Variants in SYT17 observed in about 807,000 individuals in gnomAD.
SYT17 encodes synaptotagmin 17.
A neutral mutation model predicts 46.7 loss-of-function variants in SYT17; 22 were observed. The observed-to-expected ratio is 0.47, with a 90% CI of 0.34 to 0.67. The LOEUF is 0.67. Among genes scored for constraint, SYT17 ranks in the 30% least tolerant of loss-of-function variants. SYT17 has a pLI of 0.01. For missense variants in SYT17, 519 were observed against 612.8 expected (o/e 0.85, Z 1.62); for synonymous variants, 251 against 248.4 (o/e 1.01, Z -0.10).
At chr16:19,180,666 A>G (rs1366079162) in intron 4 of SYT17, 127 bp downstream of exon 4, 2 of 1,106,760 alleles carry the variant, frequency 1.8e-6, no homozygotes, top group African/African-American at 3.1e-5. Flanking sequence ...AGTCCAGGAG[A>G]CAGGGCGAGA....
At chr16:19,211,868 C>T (rs551631450) in intron 5 of SYT17, among the ~76,000 whole-genome samples, 189 of 152,088 alleles carry the variant, frequency 1.2e-3, no homozygotes, top group African/African-American at 2.7e-3. Flanking sequence ...CCTCGTGATC[C>T]GCCCGCCTCA....
At chr16:19,216,384 T>C (rs1463249102) in intron 5 of SYT17, among the ~76,000 whole-genome samples, 1 of 151,642 alleles carries the variant, frequency 6.6e-6, no homozygotes, top group Non-Finnish European at 1.5e-5. Context: ...TTATTTCTTT[T>C]TTTTTTTTTT....
In SYT17 at chr16:19,214,977, G is replaced by A. The variant is rs138900165; in HGVS notation, c.952-8068G>A. ...TACTTTTTGTATTTCTAGTAGAGAC[G>A]GGGTTTCACCATGTTGGCCAGACTG... is the stretch of plus-strand genomic sequence containing the variant. On this transcript the variant is annotated intron_variant, in intron 5 of 7. Transcript: ENST00000355377. Among the ~76,000 whole-genome samples, 171 of 152,088 alleles carry A rather than the reference G, an allele frequency of 1.1e-3. 1 individual carries two copies. In the East Asian group the frequency reaches 0.014, roughly 12 times the overall value.
chr16:19,172,655 AT>A, intron 1 of SYT17, 104 bp from the exon 2 acceptor site: 3 of 1,548,966 alleles, frequency 1.9e-6, no homozygotes, highest in Admixed American at 2.2e-5. Context: ...TTTTTGTAAA[AT>A]TTTTTTGAGT....
At chr16:19,233,054 G>C (rs1245941610) in intron 7 of SYT17, among the ~76,000 whole-genome samples, 1 of 152,142 alleles carries the variant, frequency 6.6e-6, no homozygotes, top group African/African-American at 2.4e-5. Context: ...GCTCCCAGGT[G>C]GCTCTCTTGT....
chr16:19,174,329 G>T (rs1964228360), intron 3 of SYT17, among the ~76,000 whole-genome samples: 1 of 152,208 alleles, frequency 6.6e-6, no homozygotes, highest in Non-Finnish European at 1.5e-5. Context: ...CAGAGAGCCT[G>T]GGTACAGTCA....
chr16:19,236,902 A>G (rs1966856431), intron 7 of SYT17, among the ~76,000 whole-genome samples: 1 of 152,204 alleles, frequency 6.6e-6, no homozygotes, highest in Admixed American at 6.5e-5. Context: ...AAGACCTTTC[A>G]TGATCAGTTT....
chr16:19,205,250 G>A (rs1965621278), intron 5 of SYT17, among the ~76,000 whole-genome samples: 1 of 152,004 alleles, frequency 6.6e-6, no homozygotes, highest in Non-Finnish European at 1.5e-5. Flanking sequence ...TTATTTCCCT[G>A]GTCAGTGGCC....
At chr16:19,237,886 G>T (rs2142941882) in intron 7 of SYT17, among the ~76,000 whole-genome samples, 1 of 152,384 alleles carries the variant, frequency 6.6e-6, no homozygotes, top group Non-Finnish European at 1.5e-5. Flanking sequence ...CCAGAGCAGG[G>T]TTGGGGGACT....
chr16:19,240,612 T>A (rs1967027213), intron 7 of SYT17, among the ~76,000 whole-genome samples: 1 of 152,176 alleles, frequency 6.6e-6, no homozygotes, highest in Non-Finnish European at 1.5e-5. Flanking sequence ...AGGTTTCCAC[T>A]CTGGTCCACG....
intron 3 of SYT17, among the ~76,000 whole-genome samples, chr16:19,176,813 G>A (rs919866736): frequency 5.9e-5 from 9 of 152,102 alleles, no homozygotes; most frequent in Non-Finnish European, 1.0e-4. Context: ...CGCGGCAACC[G>A]GCTGTGAATT....
chr16:19,168,619 G>T lies in SYT17; in HGVS notation c.-28G>T, dbSNP rs947817631. The stretch of plus-strand genomic sequence containing the variant: ...AAGTGGCCGTGGCGGCGCCATGCCC[G>T]GGCCGGAGTGAGTGCGCGCGGGCGA... On this transcript the variant is annotated 5_prime_UTR_variant, in exon 1 of 8. Transcript: ENST00000355377. The surrounding 1 kb of genome is among the most constrained non-coding windows in gnomAD (Gnocchi z 6.9). 3 of 1,540,920 alleles carry T rather than the reference G, an allele frequency of 1.9e-6. No individual in the cohort carries two copies. The highest frequency in any genetic ancestry group is 2.6e-6 in the Non-Finnish European group (3 of 1,141,850).
chr16:19,178,484 G>A (rs1964410822), intron 3 of SYT17, among the ~76,000 whole-genome samples: 1 of 152,036 alleles, frequency 6.6e-6, no homozygotes, highest in Non-Finnish European at 1.5e-5. Context: ...TAGAGATGGG[G>A]TTTCGCCATG....
intron 4 of SYT17, among the ~76,000 whole-genome samples, chr16:19,182,527 A>C (rs1244723990): frequency 2.6e-5 from 4 of 152,234 alleles, no homozygotes; most frequent in African/African-American, 9.6e-5. Flanking sequence ...GGCTTGCGTT[A>C]TCTTTCTATG....
intron 3 of SYT17, among the ~76,000 whole-genome samples, chr16:19,175,274 C>T (rs1245805628): frequency 6.6e-6 from 1 of 152,118 alleles, no homozygotes; most frequent in Non-Finnish European, 1.5e-5. Flanking sequence ...AGAACTCTTC[C>T]ATTATTCATT....
intron 7 of SYT17, among the ~76,000 whole-genome samples, chr16:19,241,182 C>T (rs950353937): frequency 6.6e-6 from 1 of 151,860 alleles, no homozygotes; most frequent in Non-Finnish European, 1.5e-5. Flanking sequence ...CTCCTGACCT[C>T]GTGATCCGCC....
chr16:19,179,686 GC>G (rs1321239813), intron 3 of SYT17, among the ~76,000 whole-genome samples: 8 of 152,184 alleles, frequency 5.3e-5, no homozygotes, highest in Non-Finnish European at 1.2e-4. Flanking sequence ...AAAGGGACTT[GC>G]CCCAGCACCC....
At chr16:19,213,456 A>G (rs1487888847) in intron 5 of SYT17, among the ~76,000 whole-genome samples, 1 of 152,230 alleles carries the variant, frequency 6.6e-6, no homozygotes, top group African/African-American at 2.4e-5. Context: ...GATAAGGACC[A>G]GTGGAAGAGT....
chr16:19,194,174 C>T (rs1253385347), intron 5 of SYT17, among the ~76,000 whole-genome samples: 1 of 152,160 alleles, frequency 6.6e-6, no homozygotes, highest in Non-Finnish European at 1.5e-5. Flanking sequence ...GATGCCAGTC[C>T]CCCCTTCTTA....
Sources: allele counts gnomAD v4.1 joint callset (sites outside exome capture counted in the v4.1 genomes callset), GRCh38; gene constraint gnomAD v4.1.1; non-coding constraint Gnocchi (gnomAD v3.1); transcripts MANE v1.5; gene names NCBI Gene and HGNC (gene_info 2026-07-23, HGNC 2026-07-21).